Variants in CLVS1 observed in about 807,000 individuals in gnomAD.
CLVS1 encodes the protein clavesin-1.
CLVS1 carries 10 observed loss-of-function variants against 33.1 expected under a neutral mutation model. That is an observed-to-expected ratio of 0.30 (90% CI 0.19 to 0.51). The LOEUF is 0.51. Among genes scored for constraint, CLVS1 ranks in the 20% least tolerant of loss-of-function variants. The pLI, the probability that CLVS1 is intolerant of heterozygous loss-of-function variation, is 0.97. For synonymous variants in CLVS1, 163 were observed against 166.1 expected (o/e 0.98, Z 0.14); for missense variants, 343 against 433.4 (o/e 0.79, Z 1.85).
chr8:61,366,035 A>G lies in CLVS1; in HGVS notation c.456-10570A>G, dbSNP rs1031889897. On this transcript the variant is annotated intron_variant, in intron 2 of 5. Coordinates refer to ENST00000325897, the MANE Select transcript of CLVS1 (RefSeq NM_173519.3). ...TTTTCTGCAGATCCTCAGCCAAGGG[A>G]TTTACTAGAATAGACAAGCATGAAA... Among the ~76,000 whole-genome samples, 7 of 152,204 alleles carry G rather than the reference A, an allele frequency of 4.6e-5. No homozygotes were observed. The East Asian group carries it at 1.2e-3, about 25-fold the overall frequency.
In CLVS1 at chr8:61,377,055, T is replaced by C. The variant is rs759845398; in HGVS notation, c.630+276T>C. ...GCTCCAAGATGTTCGGCTTAATCCA[T>C]CAGAGAGTTCACAAAAATTAAAACT... On this transcript the variant is annotated intron_variant, in intron 3 of 5. Coordinates refer to ENST00000325897, the MANE Select transcript of CLVS1 (RefSeq NM_173519.3). The C allele has an allele frequency of 1.3e-3, 398 of 312,694 alleles. 2 individuals carry two copies. The highest frequency in any genetic ancestry group is 2.0e-3 in the Non-Finnish European group (347 of 171,742). 19.4% of individuals were successfully genotyped at this position (312,694 alleles called of 1,614,324 possible). A position where few individuals can be genotyped will look rare whatever the true frequency, so the allele number is the denominator to read the frequency against.
At chr8:61,006,321 T>G in the CLVS1 span, among the ~76,000 whole-genome samples, 2 of 152,218 alleles carry the variant, frequency 1.3e-5, no homozygotes, top group Non-Finnish European at 2.9e-5. Flanking sequence ...TTGATGGTTC[T>G]GCAGAGACTA....
At chr8:61,477,344 C>G (rs1471837605) in intron 5 of CLVS1, among the ~76,000 whole-genome samples, 9 of 152,064 alleles carry the variant, frequency 5.9e-5, no homozygotes, top group Non-Finnish European at 8.8e-5. Context: ...CCTTCTTTTC[C>G]TATTGATTGG....
the CLVS1 span, among the ~76,000 whole-genome samples, chr8:60,997,601 T>C: frequency 6.6e-6 from 1 of 152,204 alleles, no homozygotes; most frequent in African/African-American, 2.4e-5. Flanking sequence ...ACAGTCTCCA[T>C]CTGTCATGAA....
chr8:61,259,203 G>C (rs559555178), intron 2 of CLVS1, among the ~76,000 whole-genome samples: 1 of 152,302 alleles, frequency 6.6e-6, no homozygotes, highest in South Asian at 2.1e-4. Context: ...CTAGTGCTTA[G>C]ATACTTGGAA....
At chr8:61,115,253 T>C (rs1225749026) in intron 1 of CLVS1, among the ~76,000 whole-genome samples, 1 of 152,186 alleles carries the variant, frequency 6.6e-6, no homozygotes, top group Non-Finnish European at 1.5e-5. Context: ...ACTGTTATTG[T>C]GAAACAAAAT....
intron 2 of CLVS1, among the ~76,000 whole-genome samples, chr8:61,281,083 A>G (rs1054046518): frequency 2.6e-5 from 4 of 152,176 alleles, no homozygotes; most frequent in Admixed American, 2.6e-4. Context: ...TTTATTCTAC[A>G]TAGTTATCCT....
chr8:61,464,466 T>C (rs183278002), intron 5 of CLVS1: 1 of 152,224 alleles, frequency 6.6e-6, no homozygotes, highest in African/African-American at 2.4e-5. Context: ...GAATCTTTCA[T>C]CCAGGTAGGA....
At chr8:61,014,749 A>G in the CLVS1 span, among the ~76,000 whole-genome samples, 1 of 152,374 alleles carries the variant, frequency 6.6e-6, no homozygotes, top group South Asian at 2.1e-4. Flanking sequence ...TAAATGAGGT[A>G]ATTATTTGAT....
chr8:61,387,462 G>A (rs1220769932), intron 3 of CLVS1, among the ~76,000 whole-genome samples: 1 of 97,416 alleles, frequency 1.0e-5, no homozygotes, highest in Middle Eastern at 5.6e-3. Flanking sequence ...CCACTGTACA[G>A]TTCCTTTTTT....
At chr8:61,154,387 T>A (rs1308668529) in intron 2 of CLVS1, among the ~76,000 whole-genome samples, 1 of 152,120 alleles carries the variant, frequency 6.6e-6, no homozygotes, top group Non-Finnish European at 1.5e-5. Context: ...ACATTTCAAT[T>A]CAAAAATCAG....
chr8:61,328,650 G>C (rs1011204799), intron 2 of CLVS1, among the ~76,000 whole-genome samples: 1 of 152,016 alleles, frequency 6.6e-6, no homozygotes, highest in Non-Finnish European at 1.5e-5. Flanking sequence ...ATTCCCAGAT[G>C]CCTTACAAGC....
chr8:61,205,017 CA>C (rs1217601059), intron 2 of CLVS1, among the ~76,000 whole-genome samples: 1 of 152,126 alleles, frequency 6.6e-6, no homozygotes, highest in Non-Finnish European at 1.5e-5. Context: ...ATTGTTTCAT[CA>C]GTGGGAAGAA....
At chr8:61,089,923 T>C (rs546395526) in intron 1 of CLVS1, among the ~76,000 whole-genome samples, 2 of 152,218 alleles carry the variant, frequency 1.3e-5, no homozygotes, top group East Asian at 3.9e-4. Context: ...ATGTTTTGTT[T>C]TGTTTGTTTA....
chr8:61,125,229 T>G lies in CLVS1; in HGVS notation c.-242-6541T>G, dbSNP rs1033008102. Among the ~76,000 whole-genome samples the G allele has an allele frequency of 1.8e-3, 269 of 152,286 alleles. 2 individuals are homozygous for G. Among genetic ancestry groups the G allele is most frequent in the Non-Finnish European group, 3.7e-4 (25 of 68,018 alleles). On this transcript the variant is annotated intron_variant, in intron 1 of 2. Coordinates refer to the CLVS1 transcript ENST00000522621. ...TGTTTAACCACTAAACCATGCAGCC[T>G]TCCCCTTTCCTCGCTTTGGTTGCAG...
At chr8:61,433,376 C>T (rs1816187866) in intron 3 of CLVS1, among the ~76,000 whole-genome samples, 1 of 152,162 alleles carries the variant, frequency 6.6e-6, no homozygotes, top group Non-Finnish European at 1.5e-5. Flanking sequence ...CTACATTTTA[C>T]ATACAATAAA....
intron 2 of CLVS1, among the ~76,000 whole-genome samples, chr8:61,320,121 C>T (rs148571750): frequency 6.6e-6 from 1 of 152,160 alleles, no homozygotes; most frequent in Non-Finnish European, 1.5e-5. Context: ...ATGATTCTGA[C>T]TTATCAGATA....
intron 2 of CLVS1, among the ~76,000 whole-genome samples, chr8:61,141,753 A>T (rs1392034267): frequency 1.3e-5 from 2 of 152,134 alleles, no homozygotes; most frequent in Non-Finnish European, 2.9e-5. Context: ...TCACTTGATA[A>T]TTTTTGATAT....
Position 61,308,487 on chromosome 8 carries a change from T to A in CLVS1, c.455+8205T>A, listed in dbSNP as rs574630699. 9.2e-5 allele frequency among the ~76,000 whole-genome samples: 14 copies of A among 152,250 alleles called. No homozygotes were observed. In the East Asian group the frequency reaches 2.5e-3, roughly 27 times the overall value. ...GCGCCATGAGTCACGGTGGAGGGGATCGGCAGTCTGGGCTTAGTGCTTCTT... is the reference window on the plus strand; with the variant it reads ...GCGCCATGAGTCACGGTGGAGGGGAACGGCAGTCTGGGCTTAGTGCTTCTT... On this transcript the variant is annotated intron_variant, in intron 2 of 5. Coordinates refer to ENST00000325897, the MANE Select transcript of CLVS1 (RefSeq NM_173519.3).
Sources: allele counts gnomAD v4.1 joint callset (sites outside exome capture counted in the v4.1 genomes callset), GRCh38; gene constraint gnomAD v4.1.1; transcripts MANE v1.5; gene names NCBI Gene and HGNC (gene_info 2026-07-23, HGNC 2026-07-21).